ARHGEF33: variants seen among roughly 807,000 people sequenced by gnomAD.
ARHGEF33 encodes Rho guanine nucleotide exchange factor 33.
Under a neutral mutation model 101.9 loss-of-function variants are expected in ARHGEF33, and 72 were observed. The observed-to-expected ratio is 0.71, with a 90% confidence interval of 0.58 to 0.86. ARHGEF33 has a LOEUF of 0.86. Ranked by LOEUF, ARHGEF33 falls within the 40% of genes least tolerant of loss-of-function variation. The pLI is 0.00. For synonymous variants in ARHGEF33, 499 were observed against 442.5 expected (o/e 1.13, Z -1.60); for missense variants, 1,169 against 1,111.3 (o/e 1.05, Z -0.74).
Position 38,965,959 on chromosome 2 carries a change from T to C in ARHGEF33, c.2344-47T>C, listed in dbSNP as rs1254039625. 7.1e-6 allele frequency: 11 copies of C among 1,545,218 alleles called. No individual in the cohort carries two copies. In the Admixed American group the frequency reaches 1.2e-4, roughly 17 times the overall value. The stretch of plus-strand genomic sequence containing the variant: ...ATTGTCCCATAGTCAGGATCCATAA[T>C]AACATTGGAAGGAGTAAAGAAAAAA... On this transcript the variant is annotated intron_variant, in intron 16 of 17. Coordinates refer to ENST00000409978, the MANE Select transcript of ARHGEF33 (RefSeq NM_001145451.5).
intron 17 of ARHGEF33, chr2:38,969,305 G>T: frequency 6.0e-6 from 1 of 167,154 alleles, no homozygotes. Context: ...GCCAGTGCCA[G>T]CAAAGCCACT....
rs1358273692 is a variant in ARHGEF33 at position 38,910,614 on chromosome 2, A to C, written c.-85-8749A>C. Among the ~76,000 whole-genome samples the C allele has an allele frequency of 2.0e-5, 3 of 152,206 alleles. No individual in the cohort carries two copies. The East Asian group carries it at 5.8e-4, about 29-fold the overall frequency. ...AAGAGAGAAAGAAATTATTGGCAAC[A>C]AATATTGCATACTGAATTTTACAAA... On this transcript the variant is annotated intron_variant, in intron 2 of 17. Transcript: ENST00000409978.
chr2:38,960,748 G>T, intron 16 of ARHGEF33, 100 bp downstream of exon 16: 9 of 998,562 alleles, frequency 9.0e-6, no homozygotes, highest in Non-Finnish European at 1.1e-5. Context: ...GAGCGGGGCC[G>T]GGCCAGGCTA....
chr2:38,899,351 G>A (rs1558422278), intron 2 of ARHGEF33, among the ~76,000 whole-genome samples: 1 of 152,132 alleles, frequency 6.6e-6, no homozygotes, highest in Non-Finnish European at 1.5e-5. Context: ...AGTATAAAGA[G>A]TAAAATTGCT....
intron 10 of ARHGEF33, among the ~76,000 whole-genome samples, chr2:38,948,478 G>C (rs1179444775): frequency 6.6e-6 from 1 of 151,056 alleles, no homozygotes; most frequent in African/African-American, 2.4e-5. Flanking sequence ...CATTCTCCAA[G>C]TACATTGACC....
intron 15 of ARHGEF33, 139 bp downstream of exon 15, chr2:38,958,337 G>C (rs951579043): frequency 1.8e-6 from 2 of 1,088,220 alleles, no homozygotes; most frequent in East Asian, 5.2e-5. Flanking sequence ...CAGCCAACCC[G>C]ATTCTTGGGT....
intron 15 of ARHGEF33, among the ~76,000 whole-genome samples, chr2:38,959,072 T>C (rs922665321): frequency 6.6e-6 from 1 of 152,272 alleles, no homozygotes; most frequent in African/African-American, 2.4e-5. Context: ...TAACCACTTC[T>C]GGTCAGTGTC....
chr2:38,903,106 C>A (rs1215671669), intron 2 of ARHGEF33, among the ~76,000 whole-genome samples: 1 of 152,138 alleles, frequency 6.6e-6, no homozygotes, highest in South Asian at 2.1e-4. Flanking sequence ...TCCCTTATAG[C>A]CCAGGATTTC....
At chr2:38,928,619 G>A (rs1666925190) in intron 4 of ARHGEF33, among the ~76,000 whole-genome samples, 4 of 152,130 alleles carry the variant, frequency 2.6e-5, no homozygotes, top group Admixed American at 2.6e-4. Context: ...TTAATCAAAG[G>A]TGTTAGAATA....
chr2:38,973,652 A>C, intron 17 of ARHGEF33, 62 bp from the exon 18 acceptor site: 1 of 1,421,764 alleles, frequency 7.0e-7, no homozygotes. Context: ...GGATAGATAA[A>C]AATATTTGAA....
rs940633982 is a variant in ARHGEF33 at position 38,973,852 on chromosome 2, T to A, written c.*9T>A. On this transcript the variant is annotated 3_prime_UTR_variant, in exon 18 of 18. Transcript: ENST00000409978. ...AAGGAACAGCTGTGTAAAACATACTTAAAGTTGTATTGTCAAGTGGTAAGA... is the reference window on the plus strand; with the variant it reads ...AAGGAACAGCTGTGTAAAACATACTAAAAGTTGTATTGTCAAGTGGTAAGA... 1.3e-6 allele frequency: 2 copies of A among 1,540,932 alleles called. No homozygotes were observed. The highest frequency in any genetic ancestry group is 1.8e-6 in the Non-Finnish European group (2 of 1,142,376).
At chr2:38,929,872 C>A in intron 6 of ARHGEF33, 42 bp downstream of exon 6, 1 of 1,539,982 alleles carries the variant, frequency 6.5e-7, no homozygotes, top group Non-Finnish European at 8.8e-7. Context: ...AACCCATAAG[C>A]AATGGCTTCT....
In ARHGEF33 at chr2:38,894,804, A is replaced by T. The variant is rs574573852; in HGVS notation, c.-158-973A>T. ...TTAGCTGTGAGGAAGAGGGGAATAC[A>T]GTCTTTTAACTGGGTTTCCAAAAAA... On this transcript the variant is annotated intron_variant, in intron 1 of 17. Coordinates refer to ENST00000409978, the MANE Select transcript of ARHGEF33 (RefSeq NM_001145451.5). Among the ~76,000 whole-genome samples, 5 of 152,334 alleles carry T rather than the reference A, an allele frequency of 3.3e-5. No homozygotes were observed. The East Asian group carries it at 9.6e-4, about 29-fold the overall frequency.
chr2:38,966,556 C>T (rs1304227013), intron 17 of ARHGEF33, among the ~76,000 whole-genome samples: 2 of 152,184 alleles, frequency 1.3e-5, no homozygotes, highest in African/African-American at 4.8e-5. Context: ...TAAGGGATCT[C>T]AGCGCTTCTG....
intron 7 of ARHGEF33, among the ~76,000 whole-genome samples, chr2:38,932,475 G>C (rs184205632): frequency 7.9e-5 from 12 of 151,946 alleles, no homozygotes; most frequent in Admixed American, 2.6e-4. Flanking sequence ...AATTCATTGA[G>C]AGACTGATAG....
chr2:38,898,738 T>TAA (rs1666175871), intron 2 of ARHGEF33, among the ~76,000 whole-genome samples: 1 of 152,220 alleles, frequency 6.6e-6, no homozygotes, highest in African/African-American at 2.4e-5. Flanking sequence ...GTCTCAAGGA[T>TAA]ATTTCACTTG....
chr2:38,948,104 A>G (rs1667497153), intron 10 of ARHGEF33, among the ~76,000 whole-genome samples: 2 of 152,168 alleles, frequency 1.3e-5, no homozygotes, highest in Non-Finnish European at 2.9e-5. Context: ...GGAAAAAAAA[A>G]AAGCTGAGCT....
intron 17 of ARHGEF33, among the ~76,000 whole-genome samples, chr2:38,968,372 G>C (rs1319339823): frequency 6.6e-6 from 1 of 152,126 alleles, no homozygotes; most frequent in Non-Finnish European, 1.5e-5. Context: ...TCTGTAGTTT[G>C]ACTTTGTTGT....
At position 38,966,054 on chromosome 2, in the gene ARHGEF33, G is replaced by C; in HGVS notation, c.2392G>C (p.Glu798Gln). The change falls in exon 17 of 18, where the codon GAA becomes CAA. Residue 798 changes from glutamate (E) to glutamine (Q), a missense_variant. By Grantham distance (29) the Glu-to-Gln change is conservative. Transcript: ENST00000409978. ...TTRFCPKEER[E>Q]SEQTSFSDQN... is the part of the protein sequence containing the mutation. ...CAGATTCTGTCCCAAAGAAGAAAGA[G>C]AAAGTGAACAAACATCTTTCAGCGA... is the stretch of plus-strand genomic sequence containing the variant. 1 of 1,551,676 alleles carries C rather than the reference G, an allele frequency of 6.4e-7. No individual in the cohort carries two copies. Among genetic ancestry groups the C allele is most frequent in the Non-Finnish European group, 8.7e-7 (1 of 1,146,946 alleles).
Sources: allele counts gnomAD v4.1 joint callset (sites outside exome capture counted in the v4.1 genomes callset), GRCh38; gene constraint gnomAD v4.1.1; transcripts MANE v1.5; gene names NCBI Gene and HGNC (gene_info 2026-07-23, HGNC 2026-07-21).